ZNF467: variants seen among roughly 807,000 people sequenced by gnomAD.
The protein encoded by ZNF467 is zinc finger protein 467, also known as zinc finger protein EZI.
ZNF467 carries 51 observed loss-of-function variants against 47.8 expected under a neutral mutation model. The observed-to-expected ratio is 1.07, with a 90% confidence interval of 0.85 to 1.35. ZNF467 has a LOEUF of 1.35. ZNF467 is among the 40% of genes most tolerant of loss of function. ZNF467 has a pLI of 0.00. For missense variants in ZNF467, 992 were observed against 858.1 expected, an observed-to-expected ratio of 1.16 and a Z score of -1.95; for synonymous variants, 416 against 372.9, an observed-to-expected ratio of 1.12 and a Z score of -1.33.
chr7:149,772,556 T>C (rs1246596482), intron 1 of ZNF467, among the ~76,000 whole-genome samples: 1 of 137,272 alleles, frequency 7.3e-6, no homozygotes, highest in African/African-American at 2.8e-5. Flanking sequence ...CCCTCCCTAT[T>C]TCTGCTCCCC....
rs6965332 is a variant in ZNF467, at chr7:149,765,532, T to C, written c.970A>G (p.Thr324Ala). The C allele has an allele frequency of 0.088, 139,543 of 1,579,592 alleles. 6,878 individuals carry two copies. The highest frequency in any genetic ancestry group is 0.19 in the African/African-American group (14,260 of 74,576). ...HLVRHQRVHQ[T>A]AGPARPSPDS... is the part of the protein sequence containing the mutation. Reference sequence around the variant, plus strand: ...GGAGAGGGCCTGGCCGGGCCGGCCGTCTGGTGCACCCTTTGGTGCCGCACC... The same window carrying C: ...GGAGAGGGCCTGGCCGGGCCGGCCGCCTGGTGCACCCTTTGGTGCCGCACC... The change falls in exon 5 of 5, where the codon ACG becomes GCG. Residue 324 changes from threonine to alanine, a missense_variant. Transcript: ENST00000302017.
In ZNF467 at chr7:149,765,964, G is replaced by T. The variant is rs1194239507; in HGVS notation, c.538C>A (p.Arg180=). ...CAGGGGCCCTCGCCCCGGTGCAGCC[G>T]CTGGTGCAGTCGCAACGTCAGCTGG... ...RDQLTLRLHQ[R]LHRGEGPCAC... Residue 180 remains arginine (R), a synonymous_variant, in exon 5 of 5, where the codon CGG becomes AGG. Coordinates refer to ENST00000302017, the MANE Select transcript of ZNF467 (RefSeq NM_207336.3). 4 of 1,553,428 alleles carry T rather than the reference G, an allele frequency of 2.6e-6. No homozygotes were observed. The highest frequency in any genetic ancestry group is 1.2e-5 in the South Asian group (1 of 85,192).
intron 1 of ZNF467, among the ~76,000 whole-genome samples, chr7:149,771,922 C>G (rs1423324097): frequency 7.9e-5 from 12 of 151,234 alleles, no homozygotes; most frequent in African/African-American, 2.9e-4. Flanking sequence ...CCGCTGCCAC[C>G]GCCTCCCCTG....
At chr7:149,775,146 G>A (rs965521801), upstream of ZNF467, among the ~76,000 whole-genome samples, 11 of 152,042 alleles carry the variant, frequency 7.2e-5, no homozygotes, top group African/African-American at 2.2e-4. Context: ...TGGCTCCCCC[G>A]CCCACTCCTT....
chr7:149,773,698 G>T (rs1339341921), upstream of ZNF467, among the ~76,000 whole-genome samples: 2 of 145,596 alleles, frequency 1.4e-5, no homozygotes, highest in Non-Finnish European at 3.0e-5. Context: ...TGTCGGGGGG[G>T]AGCCAGCGAG....
chr7:149,764,606 G>T lies in ZNF467; in HGVS notation c.*108C>A. 6.5e-7 allele frequency: 1 copy of T among 1,541,280 alleles called. No homozygotes were observed. ...GGGAAGGAAACAGGTGTCCCGCGGC[G>T]GCCAAACCTTCGGGCAGCAGCCCAG... On this transcript the variant is annotated 3_prime_UTR_variant, in exon 5 of 5. Coordinates refer to ENST00000302017, the MANE Select transcript of ZNF467 (RefSeq NM_207336.3).
chr7:149,770,049 C>T (rs558191199), intron 3 of ZNF467, among the ~76,000 whole-genome samples: 55 of 152,218 alleles, frequency 3.6e-4, no homozygotes, highest in African/African-American at 1.3e-3. Flanking sequence ...CCTATTTAAT[C>T]CTATAACATG....
intron 4 of ZNF467, among the ~76,000 whole-genome samples, chr7:149,767,760 C>T (rs1799268016): frequency 6.6e-6 from 1 of 152,202 alleles, no homozygotes; most frequent in Non-Finnish European, 1.5e-5. Flanking sequence ...CTGTGTTGCC[C>T]AGGCTGGTCT....
chr7:149,770,318 GGAAGGAAGGAAA>G, intron 3 of ZNF467, 110 bp downstream of exon 3: 1 of 607,570 alleles, frequency 1.6e-6, no homozygotes, highest in Non-Finnish European at 2.8e-6. Context: ...ATGAATGGAA[GGAAGGAAGGAAA>G]GAAGGAAGGG....
chr7:149,770,647 A>T, intron 2 of ZNF467, 91 bp from the exon 3 acceptor site: 1 of 1,164,286 alleles, frequency 8.6e-7, no homozygotes, highest in South Asian at 1.4e-5. Context: ...CAGCCTGCCC[A>T]AGAGACTTTT....
chr7:149,769,184 T>C lies in ZNF467; in HGVS notation c.168A>G (p.Thr56=), dbSNP rs1271558536. The change falls in exon 4 of 5, where the codon ACA becomes ACG. Residue 56 remains threonine (T), a synonymous_variant. Transcript: ENST00000302017. The surrounding 1 kb of genome is among the most constrained non-coding windows in gnomAD (Gnocchi z 5.3). ...GTTCTGTGTGGGCACCTTCCTCCGG[T>C]GTAGGGGCCTCGTGCCCTGGCAGAG... ...LGVCSGHEAP[T]PEEGAHTEQA... 6.4e-7 allele frequency: 1 copy of C among 1,558,190 alleles called. No individual in the cohort carries two copies. Among genetic ancestry groups the C allele is most frequent in the East Asian group, 2.4e-5 (1 of 41,504 alleles).
upstream of ZNF467, among the ~76,000 whole-genome samples, chr7:149,774,538 G>GC (rs1249735560): frequency 6.6e-6 from 1 of 152,188 alleles, no homozygotes; most frequent in Non-Finnish European, 1.5e-5. The surrounding 1 kb of genome is among the most constrained non-coding windows in gnomAD (Gnocchi z 5.7). Flanking sequence ...TGCTACCACA[G>GC]CCCACCACAA....
chr7:149,765,700 C>G lies in ZNF467; in HGVS notation c.802G>C (p.Gly268Arg). The G allele has an allele frequency of 1.9e-6, 3 of 1,613,466 alleles. No homozygotes were observed. The highest frequency in any genetic ancestry group is 2.5e-6 in the Non-Finnish European group (3 of 1,179,814). ...HLGSHQKTHT[G>R]ERPFPCTECE... ...TCCGTGCAGGGGAAGGGCCGCTCGC[C>G]GGTGTGGGTCTTTTGGTGCGAGCCC... Residue 268 changes from glycine (G) to arginine (R), a missense_variant, in exon 5 of 5, where the codon GGC (glycine) becomes CGC (arginine). Physicochemically the swap from Gly to Arg is moderately radical, Grantham distance 125. Transcript: ENST00000302017.
rs774476740 is a variant in ZNF467 at position 149,764,958 on chromosome 7, T to C, written c.1544A>G (p.His515Arg). ...HQAVHTGSRPHACAVCARSFS... is the reference protein window; with the variant it reads ...HQAVHTGSRPRACAVCARSFS... ...GCTGCGGGCGCAGACGGCGCAGGCG[T>C]GGGGGCGGCTGCCAGTGTGCACCGC... is the stretch of plus-strand genomic sequence containing the variant. Residue 515 changes from histidine to arginine, a missense_variant, in exon 5 of 5, where the codon CAC (histidine) becomes CGC (arginine). Coordinates refer to ENST00000302017, the MANE Select transcript of ZNF467 (RefSeq NM_207336.3). 6.3e-7 allele frequency: 1 copy of C among 1,587,468 alleles called. No homozygotes were observed. The highest frequency in any genetic ancestry group is 1.4e-5 in the African/African-American group (1 of 73,852).
chr7:149,775,289 C>G (rs1799543236), upstream of ZNF467, among the ~76,000 whole-genome samples: 1 of 152,176 alleles, frequency 6.6e-6, no homozygotes, highest in South Asian at 2.1e-4. Context: ...AAACTGGACC[C>G]TGGAGAAAAG....
chr7:149,764,726 C>CG lies in ZNF467; in HGVS notation c.1775dup (p.Leu593AlafsTer128). 2.6e-6 allele frequency: 4 copies of CG among 1,558,740 alleles called. No individual in the cohort carries two copies. The highest frequency in any genetic ancestry group is 3.5e-6 in the Non-Finnish European group (4 of 1,148,500). On this transcript the variant is annotated frameshift_variant, in exon 5 of 5. Coordinates refer to ENST00000302017, the MANE Select transcript of ZNF467 (RefSeq NM_207336.3). LOFTEE classifies it high-confidence loss of function. ...GTGAGAACTAGGCTCAGAAGAAGAGCGGGGGCGGCGCCACCTCGGGGGGAG... is the reference window on the plus strand; with the variant it reads ...GTGAGAACTAGGCTCAGAAGAAGAGCGGGGGGCGGCGCCACCTCGGGGGGAG...
chr7:149,766,465 G>A (rs542410671), intron 4 of ZNF467, among the ~76,000 whole-genome samples: 4 of 152,244 alleles, frequency 2.6e-5, no homozygotes, highest in African/African-American at 4.8e-5. Context: ...CTTCTTCCCC[G>A]GCCTGGATGT....
chr7:149,771,634 C>G (rs1799409863), intron 1 of ZNF467, among the ~76,000 whole-genome samples: 1 of 152,076 alleles, frequency 6.6e-6, no homozygotes, highest in Non-Finnish European at 1.5e-5. Context: ...AACCACCTCT[C>G]ACCCGTGCCG....
rs753295229 is a variant in ZNF467 at position 149,765,173 on chromosome 7, C to A, written c.1329G>T (p.Gly443=). The A allele has an allele frequency of 1.4e-4, 207 of 1,505,714 alleles. 1 individual carries two copies. In the East Asian group the frequency reaches 4.8e-3, roughly 35 times the overall value. The allele number at this position is 1,505,714 out of a possible 1,614,324, so 93.3% of individuals were successfully genotyped here. ...CGCGCGGGTGCCGCGCCAGGTGCTGCCCATGGGAGAAGCCGCGCCCGCAGT... is the reference window on the plus strand; with the variant it reads ...CGCGCGGGTGCCGCGCCAGGTGCTGACCATGGGAGAAGCCGCGCCCGCAGT... ...CPDCGRGFSH[G]QHLARHPRVH... The change falls in exon 5 of 5, where the codon GGG becomes GGT. Residue 443 remains glycine, a synonymous_variant. Coordinates refer to ENST00000302017, the MANE Select transcript of ZNF467 (RefSeq NM_207336.3).
Sources: gnomAD v4.1 joint callset for allele counts (sites outside exome capture counted in the v4.1 genomes callset) on GRCh38, gnomAD v4.1.1 for gene constraint, Gnocchi (gnomAD v3.1) non-coding constraint, MANE v1.5 for transcripts, NCBI Gene and HGNC (gene_info 2026-07-23, HGNC 2026-07-21) for gene names.